ZBTB49: variants seen among roughly 807,000 people sequenced by gnomAD.
ZBTB49 encodes the protein zinc finger and BTB domain-containing protein 49.
In ZBTB49, 43 loss-of-function variants were observed where a neutral mutation model predicts 57.5. That is an observed-to-expected ratio of 0.75 (90% confidence interval 0.59 to 0.97). The LOEUF (loss-of-function observed/expected upper bound fraction) is 0.97, where lower values mean the gene tolerates loss of function less well. ZBTB49 is among the 50% of genes least tolerant of loss of function. ZBTB49 has a pLI of 0.00. For missense variants in ZBTB49, 938 were observed against 947.7 expected (o/e 0.99, Z 0.13); for synonymous variants, 369 against 362.1 (o/e 1.02, Z -0.22).
intron 3 of ZBTB49, among the ~76,000 whole-genome samples, chr4:4,303,927 A>G (rs1027730919): frequency 6.6e-6 from 1 of 152,124 alleles, no homozygotes; most frequent in Admixed American, 6.5e-5. Context: ...ATGCAACAGG[A>G]TGCTTCCACA....
Position 4,315,706 on chromosome 4 carries a change from A to G in ZBTB49, c.1447A>G (p.Ile483Val), listed in dbSNP as rs1344871805. Residue 483 changes from isoleucine to valine, a missense_variant, in exon 6 of 8, where the codon ATC (isoleucine) becomes GTC (valine). This residue lies in a region of ZBTB49 where 835 missense variants were observed against 819.1 expected (regional missense o/e 1.02). Transcript: ENST00000337872. ...AGGAGAAAAACCACACTTGTGTGAC[A>G]TCTGTGGTCGAGGTACAGCTGAGTG... ...HSGEKPHLCD[I>V]CGRGFSNFSN... 6.2e-7 allele frequency: 1 copy of G among 1,614,154 alleles called. No individual in the cohort carries two copies. Among genetic ancestry groups the G allele is most frequent in the Non-Finnish European group, 8.5e-7 (1 of 1,180,038 alleles).
chr4:4,317,883 C>T (rs763610068), intron 7 of ZBTB49, among the ~76,000 whole-genome samples: 4 of 152,156 alleles, frequency 2.6e-5, no homozygotes, highest in Non-Finnish European at 4.4e-5. Context: ...GTTCAGCTGG[C>T]GTCTTTCCTG....
intron 4 of ZBTB49, among the ~76,000 whole-genome samples, chr4:4,307,193 C>G (rs904050779): frequency 2.0e-5 from 3 of 152,238 alleles, no homozygotes; most frequent in Non-Finnish European, 2.9e-5. Flanking sequence ...CGGGTCATGT[C>G]CTCCTGAGCA....
Position 4,303,760 on chromosome 4 carries a change from C to CTCTCTCTCTCTCTCTCTGTGTGTGTG in ZBTB49, c.1255+670_1255+671insCTCTCTCTCTCTCTCTGTGTGTGTGT, listed in dbSNP as rs1223289249. ...TCTCTCTCTCTCTCTCTCTCTCTCT[C>CTCTCTCTCTCTCTCTCTGTGTGTGTG]TGTGTGTGTGTCTCTCTCTCTCTCT... On this transcript the variant is annotated intron_variant, in intron 3 of 7. Coordinates refer to ENST00000337872, the MANE Select transcript of ZBTB49 (RefSeq NM_145291.4). Among the ~76,000 whole-genome samples, 397 of 121,306 alleles carry CTCTCTCTCTCTCTCTCTGTGTGTGTG rather than the reference C, an allele frequency of 3.3e-3. 2 individuals are homozygous for CTCTCTCTCTCTCTCTCTGTGTGTGTG. The highest frequency in any genetic ancestry group is 9.3e-3 in the Middle Eastern group (2 of 214). 79.6% of individuals were successfully genotyped at this position (121,306 alleles called of 152,430 possible). A position where few individuals can be genotyped will look rare whatever the true frequency, so the allele number is the denominator to read the frequency against.
intron 1 of ZBTB49, among the ~76,000 whole-genome samples, chr4:4,292,745 C>A (rs1275143727): frequency 2.0e-5 from 3 of 152,174 alleles, no homozygotes; most frequent in Non-Finnish European, 2.9e-5. Context: ...GGTGCGTGAA[C>A]TGTGGGCCCT....
At chr4:4,316,566 C>T (rs1192797427) in intron 7 of ZBTB49, among the ~76,000 whole-genome samples, 1 of 152,106 alleles carries the variant, frequency 6.6e-6, no homozygotes, top group East Asian at 1.9e-4. Flanking sequence ...AGTGTGTACC[C>T]GTGACAAGTA....
Position 4,318,894 on chromosome 4 carries a change from C to CTTTTTTTTTTTTTTTTTTTT in ZBTB49, c.1622-1728_1622-1727insTTTTTTTTTTTTTTTTTTTT. On this transcript the variant is annotated intron_variant, in intron 7 of 7. Coordinates refer to ENST00000337872, the MANE Select transcript of ZBTB49 (RefSeq NM_145291.4). ...TGTTTTGGTTTTTGTTTTTTTTAATCTTTTTTTTTTTTTTTTTTGAGATGG... is the reference window on the plus strand; with the variant it reads ...TGTTTTGGTTTTTGTTTTTTTTAATCTTTTTTTTTTTTTTTTTTTTTTTTTTTTTTTTTTTTTTGAGATGG... Among the ~76,000 whole-genome samples the CTTTTTTTTTTTTTTTTTTTT allele has an allele frequency of 1.5e-5, 2 of 130,948 alleles. 1 individual carries two copies. The allele number at this position is 130,948 out of a possible 152,430, so 85.9% of individuals were successfully genotyped here.
chr4:4,304,509 C>T (rs1286093042), intron 3 of ZBTB49, among the ~76,000 whole-genome samples: 5 of 147,114 alleles, frequency 3.4e-5, no homozygotes, highest in Admixed American at 1.4e-4. Flanking sequence ...TGAGCCACAA[C>T]GCTTGGCCCG....
intron 1 of ZBTB49, among the ~76,000 whole-genome samples, chr4:4,291,129 G>T (rs993311110): frequency 3.9e-5 from 6 of 152,200 alleles, no homozygotes; most frequent in African/African-American, 1.4e-4. Context: ...GCAGTGTTGG[G>T]CCTGGAATAG....
At chr4:4,299,779 G>C in intron 1 of ZBTB49, 148 bp from the exon 2 acceptor site, 1 of 174,226 alleles carries the variant, frequency 5.7e-6, no homozygotes, top group Non-Finnish European at 1.3e-5. Context: ...AAACAGAGGT[G>C]TGTGTGTGTG....
rs550081425 is a variant in ZBTB49 at position 4,313,769 on chromosome 4, C to T, written c.1376+655C>T. On this transcript the variant is annotated intron_variant, in intron 5 of 7. Coordinates refer to ENST00000337872, the MANE Select transcript of ZBTB49 (RefSeq NM_145291.4). ...CTTGGGCTGTACGTCAATCAGGCCA[C>T]GTACTCCATCATCTGGTGGTTGTGC... is the stretch of plus-strand genomic sequence containing the variant. Among the ~76,000 whole-genome samples the T allele has an allele frequency of 2.5e-3, 373 of 152,240 alleles. 3 individuals are homozygous for T. Among genetic ancestry groups the T allele is most frequent in the Non-Finnish European group, 3.3e-3 (223 of 68,038 alleles).
At chr4:4,306,722 A>G (rs879378415) in intron 4 of ZBTB49, among the ~76,000 whole-genome samples, 3 of 152,246 alleles carry the variant, frequency 2.0e-5, no homozygotes, top group African/African-American at 4.8e-5. Flanking sequence ...TGTGCTGGGC[A>G]TGGGACACAA....
Position 4,321,104 on chromosome 4 carries a change from G to T in ZBTB49, c.2086G>T (p.Asp696Tyr), listed in dbSNP as rs755609581. The T allele has an allele frequency of 2.5e-6, 4 of 1,614,174 alleles. No individual in the cohort carries two copies. The highest frequency in any genetic ancestry group is 3.4e-6 in the Non-Finnish European group (4 of 1,180,032). The change falls in exon 8 of 8, where the codon GAC (aspartate) becomes TAC (tyrosine). Residue 696 changes from aspartate (D) to tyrosine (Y), a missense_variant. Asp to Tyr is a radical substitution (Grantham distance 160). Around this residue, in one of 3 missense-constraint regions of ZBTB49, gnomAD observed 835 missense variants for 819.1 expected, o/e 1.02. Coordinates refer to ENST00000337872, the MANE Select transcript of ZBTB49 (RefSeq NM_145291.4). Reference sequence around the variant, plus strand: ...TCAGGCCTATGCTTACTCGGATGTGGACACCCCAGCCGGTGGCGAACCACT... The same window carrying T: ...TCAGGCCTATGCTTACTCGGATGTGTACACCCCAGCCGGTGGCGAACCACT... Reference protein sequence around the residue: ...QPQAYAYSDVDTPAGGEPLQA... With the variant: ...QPQAYAYSDVYTPAGGEPLQA...
chr4:4,309,489 G>GA (rs1206862195), intron 4 of ZBTB49, among the ~76,000 whole-genome samples: 1 of 152,230 alleles, frequency 6.6e-6, no homozygotes, highest in Non-Finnish European at 1.5e-5. Context: ...AAACGGGAAA[G>GA]AAAATGCGGC....
intron 4 of ZBTB49, among the ~76,000 whole-genome samples, chr4:4,308,072 TTTTA>T (rs1264713756): frequency 6.6e-6 from 1 of 152,012 alleles, no homozygotes; most frequent in Admixed American, 6.6e-5. Context: ...GGTATTGATG[TTTTA>T]TTTATTTATT....
intron 4 of ZBTB49, among the ~76,000 whole-genome samples, chr4:4,311,048 T>C (rs1720964431): frequency 6.6e-6 from 1 of 152,228 alleles, no homozygotes; most frequent in Admixed American, 6.5e-5. Context: ...TTAATCTGCT[T>C]TTATATTATT....
In ZBTB49 at chr4:4,320,655, G is replaced by T. The variant is rs747278768; in HGVS notation, c.1637G>T (p.Gly546Val). The change falls in exon 8 of 8, where the codon GGA becomes GTA. Residue 546 changes from glycine to valine, a missense_variant. Transcript: ENST00000337872. Reference sequence around the variant, plus strand: ...CTTTTTCCAGGGAAATGTTTTGGGGGATCAGGTGACCTCCGCAGGCATGTC... The same window carrying T: ...CTTTTTCCAGGGAAATGTTTTGGGGTATCAGGTGACCTCCGCAGGCATGTC... ...SCSACGKCFG[G>V]SGDLRRHVRT... 6.2e-7 allele frequency: 1 copy of T among 1,613,952 alleles called. No individual in the cohort carries two copies. The highest frequency in any genetic ancestry group is 1.7e-5 in the Admixed American group (1 of 59,968).
chr4:4,306,417 A>G (rs1720738590), intron 4 of ZBTB49, among the ~76,000 whole-genome samples: 1 of 152,202 alleles, frequency 6.6e-6, no homozygotes, highest in African/African-American at 2.4e-5. Context: ...TCGCCTTGCT[A>G]AGGATGAGTC....
chr4:4,300,153 G>A (rs753212348), intron 2 of ZBTB49, 56 bp downstream of exon 2: 1 of 1,569,922 alleles, frequency 6.4e-7, no homozygotes, highest in Non-Finnish European at 8.7e-7. Context: ...AGCTCTTTTA[G>A]TATGGAAGTA....
Sources: gnomAD v4.1 joint callset for allele counts (sites outside exome capture counted in the v4.1 genomes callset) on GRCh38, gnomAD v4.1.1 for gene constraint, gnomAD v4.1.1 regional missense constraint, MANE v1.5 for transcripts, NCBI Gene and HGNC (gene_info 2026-07-23, HGNC 2026-07-21) for gene names.